COL6A5: variants seen among roughly 807,000 people sequenced by gnomAD.
COL6A5 encodes the protein collagen type VI alpha 5 chain.
COL6A5 carries 48 observed loss-of-function variants against 65.6 expected under a neutral mutation model. The observed-to-expected ratio is 0.73, with a 90% CI of 0.58 to 0.93. The LOEUF (loss-of-function observed/expected upper bound fraction) is 0.93. Among genes scored for constraint, COL6A5 ranks in the 40% least tolerant of loss-of-function variants. The pLI is 0.00. For missense variants in COL6A5, 914 were observed against 928.3 expected (o/e 0.98, Z 0.20); for synonymous variants, 291 against 322.8 (o/e 0.90, Z 1.05).
chr3:130,363,823 ACTT>A (rs1250185330), intron 1 of COL6A5, among the ~76,000 whole-genome samples: 12 of 152,120 alleles, frequency 7.9e-5, no homozygotes, highest in African/African-American at 2.9e-4. Flanking sequence ...TGTCAATTAC[ACTT>A]CAAGTTTTCC....
In COL6A5 at chr3:130,477,073, T is replaced by G. The variant is rs144337323; in HGVS notation, c.2328+6106T>G. ...GAAGCTACAGACATCTGAAGCATCT[T>G]ACCTAAGAATTCAGTAATTAATCCA... is the stretch of plus-strand genomic sequence containing the variant. On this transcript the variant is annotated intron_variant, in intron 7 of 7. Transcript: ENST00000512836. 553 of 1,515,728 alleles carry G rather than the reference T, an allele frequency of 3.6e-4. 2 individuals carry two copies. In the East Asian group the frequency reaches 0.01, roughly 29 times the overall value. The allele number at this position is 1,515,728 out of a possible 1,614,324, so 93.9% of individuals were successfully genotyped here. A position where few individuals can be genotyped will look rare whatever the true frequency, so the allele number is the denominator to read the frequency against.
chr3:130,401,381 T>C (rs1032809452), intron 11 of COL6A5, among the ~76,000 whole-genome samples: 3 of 152,188 alleles, frequency 2.0e-5, no homozygotes, highest in Non-Finnish European at 4.4e-5. Context: ...AATGAATGCA[T>C]AAGTAACTAA....
chr3:130,411,919 G>T (rs1353208919), intron 20 of COL6A5, among the ~76,000 whole-genome samples: 2 of 152,158 alleles, frequency 1.3e-5, no homozygotes, highest in East Asian at 3.9e-4. Flanking sequence ...ACAACATCAG[G>T]TTTTCTCCCC....
rs748330078 is a variant in COL6A5, at chr3:130,455,461, T to C, written c.1341T>C (p.Val447=). The change falls in exon 5 of 8, where the codon GTT becomes GTC. Residue 447 remains valine, a synonymous_variant. Coordinates refer to ENST00000512836, the Ensembl canonical transcript of COL6A5. ...AAGTTTTTTTTTCTTCTAGATTTGT[T>C]ACTGAGCTACAAGAGGATTTTTTGG... 7.5e-6 allele frequency: 12 copies of C among 1,607,486 alleles called. No individual in the cohort carries two copies. In the South Asian group the frequency reaches 1.3e-4, roughly 18 times the overall value.
rs1226826265 is a variant in COL6A5 at position 130,418,996 on chromosome 3, G to A, written c.4950+65G>A. ...TATTCAGTTCCAAGGTAAAGAGAAG[G>A]GGTTGACACCTTCAGCCCAATTATG... is the stretch of plus-strand genomic sequence containing the variant. On this transcript the variant is annotated intron_variant and NMD_transcript_variant, in intron 25 of 41. Coordinates refer to the COL6A5 transcript ENST00000312481. 3.7e-6 allele frequency: 5 copies of A among 1,350,756 alleles called. No individual in the cohort carries two copies. In the Admixed American group the frequency reaches 7.9e-5, roughly 21 times the overall value. The allele number at this position is 1,350,756 out of a possible 1,614,324, so 83.7% of individuals were successfully genotyped here.
chr3:130,393,960 G>T (rs1288793612), intron 7 of COL6A5, among the ~76,000 whole-genome samples: 1 of 152,098 alleles, frequency 6.6e-6, no homozygotes, highest in East Asian at 1.9e-4. Flanking sequence ...GTTCTTCTTT[G>T]CAGGTCTATC....
intron 3 of COL6A5, 55 bp from the exon 36 acceptor site, chr3:130,443,421 T>C (rs1030596188): frequency 1.5e-5 from 19 of 1,299,310 alleles, no homozygotes; most frequent in Non-Finnish European, 1.8e-5. Flanking sequence ...TCTCTTTACC[T>C]AGGAAACATC....
intron 5 of COL6A5, among the ~76,000 whole-genome samples, chr3:130,458,067 C>T (rs1424534089): frequency 6.6e-6 from 1 of 152,018 alleles, no homozygotes; most frequent in Non-Finnish European, 1.5e-5. Context: ...CTGGCAATGA[C>T]TTGTGTATCA....
At chr3:130,392,368 C>A (rs144055982) in intron 7 of COL6A5, among the ~76,000 whole-genome samples, 27 of 152,256 alleles carry the variant, frequency 1.8e-4, no homozygotes, top group African/African-American at 5.1e-4. Context: ...TGATTACCAG[C>A]TACCATTGGG....
intron 5 of COL6A5, among the ~76,000 whole-genome samples, chr3:130,386,247 G>A (rs1452904830): frequency 6.6e-6 from 1 of 152,012 alleles, no homozygotes; most frequent in East Asian, 1.9e-4. Context: ...GAATAAGTTA[G>A]TGTCTACTTG....
At chr3:130,388,751 A>G (rs1936287013) in exon 6 of COL6A5, 2 of 1,551,282 alleles carry the variant, frequency 1.3e-6, no homozygotes, top group Admixed American at 2.0e-5. Context: ...AAAACTAAGG[A>G]AGAGTTCCAG....
intron 29 of COL6A5, 134 bp from the exon 30 acceptor site, chr3:130,426,080 C>T (rs1260926779): frequency 6.4e-6 from 5 of 786,236 alleles, no homozygotes; most frequent in Non-Finnish European, 1.0e-5. Context: ...CCACTGGGTT[C>T]AGGAATATTT....
chr3:130,364,283 A>C (rs1364058745), intron 1 of COL6A5, among the ~76,000 whole-genome samples: 1 of 152,188 alleles, frequency 6.6e-6, no homozygotes, highest in Non-Finnish European at 1.5e-5. Context: ...ATGACATTTT[A>C]AAAAATTGGG....
chr3:130,455,346 C>A, intron 4 of COL6A5, 109 bp from the exon 37 acceptor site: 1 of 626,850 alleles, frequency 1.6e-6, no homozygotes, highest in Non-Finnish European at 2.8e-6. Context: ...TTTTCACCAC[C>A]CAATTGGTTT....
chr3:130,390,524 A>C lies in COL6A5; in HGVS notation c.2417-655A>C, dbSNP rs541704428. Among the ~76,000 whole-genome samples the C allele has an allele frequency of 7.9e-4, 120 of 152,224 alleles. No individual in the cohort carries two copies. The Middle Eastern group carries it at 0.017, about 22-fold the overall frequency. The stretch of plus-strand genomic sequence containing the variant: ...TCCACACTTTGGAAAGCCAGCCAAA[A>C]CAGTCATTTGTCTTACAATGTGGAG... On this transcript the variant is annotated intron_variant and NMD_transcript_variant, in intron 6 of 41. Transcript: ENST00000312481.
intron 5 of COL6A5, among the ~76,000 whole-genome samples, chr3:130,463,707 C>T (rs1374368394): frequency 2.0e-5 from 3 of 152,082 alleles, no homozygotes; most frequent in South Asian, 2.1e-4. Flanking sequence ...CCAGAAAATA[C>T]ACAGCGCCAT....
At chr3:130,435,420 TG>T (rs1387518395) in intron 1 of COL6A5, among the ~76,000 whole-genome samples, 2 of 152,148 alleles carry the variant, frequency 1.3e-5, no homozygotes, top group Non-Finnish European at 2.9e-5. Context: ...CTTGGCTATA[TG>T]GGGTCTTCTT....
At chr3:130,354,577 CA>C (rs531474723) in intron 1 of COL6A5, among the ~76,000 whole-genome samples, 206 of 152,284 alleles carry the variant, frequency 1.4e-3, no homozygotes, top group Non-Finnish European at 2.4e-3. Flanking sequence ...ATAAGATGCC[CA>C]GTTAATTCAT....
At chr3:130,451,196 G>A (rs1270325307) in intron 4 of COL6A5, among the ~76,000 whole-genome samples, 1 of 152,162 alleles carries the variant, frequency 6.6e-6, no homozygotes, top group Non-Finnish European at 1.5e-5. Context: ...AGCGCGACCG[G>A]ATAAGTCCAT....
Sources: gnomAD v4.1 joint callset for allele counts (sites outside exome capture counted in the v4.1 genomes callset) on GRCh38, gnomAD v4.1.1 for gene constraint, MANE v1.5 for transcripts, NCBI Gene and HGNC (gene_info 2026-07-23, HGNC 2026-07-21) for gene names.